TUSC3: variants seen among roughly 807,000 people sequenced by gnomAD.
The protein encoded by TUSC3 is dolichyl-diphosphooligosaccharide--protein glycosyltransferase subunit TUSC3.
In TUSC3, 45 loss-of-function variants were observed where a neutral mutation model predicts 44.8. That is an observed-to-expected ratio of 1.00 (90% CI 0.79 to 1.29). The LOEUF is 1.29. Among genes scored for constraint, TUSC3 ranks in the 50% most tolerant of loss-of-function variants. The pLI is 0.00. For missense variants in TUSC3, 519 were observed against 437.9 expected (o/e 1.19, Z -1.65); for synonymous variants, 212 against 152.9 (o/e 1.39, Z -2.85).
chr8:15,566,306 T>G (rs1007449247), intron 1 of TUSC3, among the ~76,000 whole-genome samples: 7 of 152,190 alleles, frequency 4.6e-5, no homozygotes, highest in Non-Finnish European at 8.8e-5. Context: ...ATGTTCATCA[T>G]CAGCTTTATT....
intron 2 of TUSC3, among the ~76,000 whole-genome samples, chr8:15,624,090 G>C (rs1471774037): frequency 6.6e-6 from 1 of 151,942 alleles, no homozygotes; most frequent in Non-Finnish European, 1.5e-5. Context: ...TTTTGGGTTT[G>C]GCTTTTAAAA....
intron 1 of TUSC3, chr8:15,417,345 T>C (rs1799673288): frequency 6.6e-6 from 1 of 152,218 alleles, no homozygotes; most frequent in Non-Finnish European, 1.5e-5. Context: ...AATTACACAG[T>C]CTCAGGTATT....
the TUSC3 span, among the ~76,000 whole-genome samples, chr8:15,780,691 C>G: frequency 1.3e-5 from 2 of 152,108 alleles, no homozygotes; most frequent in Non-Finnish European, 2.9e-5. Context: ...CATCCCTCTT[C>G]CCTGGCTCAC....
intron 1 of TUSC3, among the ~76,000 whole-genome samples, chr8:15,568,371 C>G (rs753571890): frequency 2.6e-5 from 4 of 152,092 alleles, no homozygotes; most frequent in Non-Finnish European, 5.9e-5. Flanking sequence ...GCTTCTATAG[C>G]TAGAGGGAGT....
chr8:15,439,276 C>CA (rs1201594687), intron 1 of TUSC3, among the ~76,000 whole-genome samples: 2 of 152,048 alleles, frequency 1.3e-5, no homozygotes, highest in African/African-American at 2.4e-5. Context: ...TGGTGAAGGA[C>CA]AAAAAAATGC....
chr8:15,771,896 G>C, the TUSC3 span, among the ~76,000 whole-genome samples: 1 of 152,174 alleles, frequency 6.6e-6, no homozygotes, highest in South Asian at 2.1e-4. Context: ...AGACCATCCT[G>C]GCTAACACGG....
In TUSC3 at chr8:15,733,038, A is replaced by T. The variant is rs972639542; in HGVS notation, c.862+2309A>T. 3.3e-5 allele frequency among the ~76,000 whole-genome samples: 5 copies of T among 152,288 alleles called. No homozygotes were observed. The South Asian group carries it at 6.2e-4, about 19-fold the overall frequency. ...GTTTGTCTCATAGACTGGAACTGGA[A>T]ATACAAATTTTGTTGTATTTTTCAA... On this transcript the variant is annotated intron_variant, in intron 7 of 10. Coordinates refer to ENST00000503731, the MANE Select transcript of TUSC3 (RefSeq NM_006765.4).
intron 1 of TUSC3, among the ~76,000 whole-genome samples, chr8:15,447,015 A>G (rs1800113794): frequency 2.6e-5 from 4 of 152,120 alleles, no homozygotes; most frequent in Admixed American, 2.6e-4. Context: ...AAATGTTGAC[A>G]TGGAGAGTAA....
At chr8:15,556,212 T>A (rs1009633169) in intron 1 of TUSC3, among the ~76,000 whole-genome samples, 4 of 137,310 alleles carry the variant, frequency 2.9e-5, no homozygotes, top group African/African-American at 1.1e-4. Context: ...TGTGTCCATG[T>A]GATCTCATTG....
chr8:15,659,459 A>G (rs757706305), intron 3 of TUSC3, 48 bp from the exon 4 acceptor site: 4 of 1,594,338 alleles, frequency 2.5e-6, no homozygotes, highest in South Asian at 2.2e-5. Flanking sequence ...ATATTGGATT[A>G]ATGATAAGAT....
the TUSC3 span, among the ~76,000 whole-genome samples, chr8:15,824,860 T>C: frequency 1.3e-5 from 2 of 152,230 alleles, no homozygotes; most frequent in Non-Finnish European, 2.9e-5. Flanking sequence ...AGGTATAGCA[T>C]TTCCTGCCTC....
At chr8:15,431,997 T>C (rs1799878784) in intron 1 of TUSC3, among the ~76,000 whole-genome samples, 1 of 151,796 alleles carries the variant, frequency 6.6e-6, no homozygotes, top group Admixed American at 6.6e-5. Flanking sequence ...GTGATTCTTT[T>C]AATGTTCAAT....
chr8:15,649,861 G>T (rs186499825), intron 2 of TUSC3, among the ~76,000 whole-genome samples: 10 of 152,172 alleles, frequency 6.6e-5, no homozygotes, highest in Admixed American at 3.3e-4. Context: ...TTGGGGAGAG[G>T]GGGGAGATAA....
At chr8:15,677,474 G>A (rs1451844090) in intron 6 of TUSC3, among the ~76,000 whole-genome samples, 1 of 152,202 alleles carries the variant, frequency 6.6e-6, no homozygotes, top group Non-Finnish European at 1.5e-5. Context: ...ACAGAGCAGG[G>A]TTCTTTTCCA....
At chr8:15,517,994 C>A (rs987190771) in intron 2 of TUSC3, among the ~76,000 whole-genome samples, 2 of 135,288 alleles carry the variant, frequency 1.5e-5, no homozygotes, top group Non-Finnish European at 3.3e-5. Flanking sequence ...AAAAAAAAAC[C>A]CCCATACACA....
intron 2 of TUSC3, among the ~76,000 whole-genome samples, chr8:15,487,240 A>G (rs1046897446): frequency 2.0e-5 from 3 of 152,120 alleles, no homozygotes; most frequent in Non-Finnish European, 4.4e-5. Context: ...TTCTCTACTT[A>G]ATCTGAAAAT....
At chr8:15,810,730 A>G in the TUSC3 span, among the ~76,000 whole-genome samples, 2 of 152,194 alleles carry the variant, frequency 1.3e-5, no homozygotes, top group African/African-American at 4.8e-5. Flanking sequence ...CCACATGGCC[A>G]GCAGATTGAA....
At chr8:15,787,051 T>A in the TUSC3 span, among the ~76,000 whole-genome samples, 2 of 151,724 alleles carry the variant, frequency 1.3e-5, no homozygotes, top group Non-Finnish European at 1.5e-5. Context: ...CTATATTCAA[T>A]GCTTTTTATG....
chr8:15,726,731 A>T (rs1039072365), intron 6 of TUSC3, among the ~76,000 whole-genome samples: 3 of 152,186 alleles, frequency 2.0e-5, no homozygotes, highest in Admixed American at 6.5e-5. Context: ...GTTTGAACCC[A>T]GGAGGCGGAG....
Sources: gnomAD v4.1 joint callset for allele counts (sites outside exome capture counted in the v4.1 genomes callset) on GRCh38, gnomAD v4.1.1 for gene constraint, MANE v1.5 for transcripts, NCBI Gene and HGNC (gene_info 2026-07-23, HGNC 2026-07-21) for gene names.